GPHN: variants seen among roughly 807,000 people sequenced by gnomAD.
The protein encoded by GPHN is gephyrin.
A neutral mutation model predicts 95.5 loss-of-function variants in GPHN; 17 were observed. That is an observed-to-expected ratio of 0.18 (90% confidence interval 0.12 to 0.27). The LOEUF is 0.27. Among genes scored for constraint, GPHN ranks in the 10% least tolerant of loss-of-function variants. The probability of loss-of-function intolerance (pLI) is 1.00; values close to 1 mark genes in which losing one functional copy is unlikely to be tolerated. For missense variants in GPHN, 660 were observed against 978.1 expected, an observed-to-expected ratio of 0.67 and a Z score of 4.34; for synonymous variants, 320 against 322.5, an observed-to-expected ratio of 0.99 and a Z score of 0.08.
chr14:66,951,065 C>G (rs1475886801), intron 8 of GPHN, among the ~76,000 whole-genome samples: 1 of 152,074 alleles, frequency 6.6e-6, no homozygotes, highest in African/African-American at 2.4e-5. Flanking sequence ...GCTGGCATTA[C>G]AGGCACCTGC....
chr14:67,667,987 T>G, the GPHN span, among the ~76,000 whole-genome samples: 1 of 152,200 alleles, frequency 6.6e-6, no homozygotes, highest in Admixed American at 6.5e-5. Context: ...GGAGTTAGAA[T>G]AGTTAAAATT....
intron 5 of GPHN, among the ~76,000 whole-genome samples, chr14:66,887,059 G>A (rs147656242): frequency 1.5e-3 from 228 of 152,284 alleles, no homozygotes; most frequent in Non-Finnish European, 2.3e-3. Context: ...TGTTTCAGCA[G>A]GGAAGAGGAA....
chr14:66,997,309 G>C (rs1294944687), intron 9 of GPHN, among the ~76,000 whole-genome samples: 1 of 149,990 alleles, frequency 6.7e-6, no homozygotes, highest in Non-Finnish European at 1.5e-5. Context: ...AGAGGTTGCA[G>C]TGAGCCAAGA....
At chr14:67,730,194 C>T in the GPHN span, among the ~76,000 whole-genome samples, 14 of 152,238 alleles carry the variant, frequency 9.2e-5, no homozygotes, top group East Asian at 1.9e-4. Context: ...GAAACTGAGG[C>T]GCAAGATAAT....
At chr14:67,272,101 T>C in the GPHN span, 1 of 151,738 alleles carries the variant, frequency 6.6e-6, no homozygotes, top group Non-Finnish European at 1.5e-5. Flanking sequence ...TTAATAACCA[T>C]AGTATCTAGC....
intron 1 of GPHN, among the ~76,000 whole-genome samples, chr14:66,617,613 T>A (rs1296528598): frequency 6.6e-6 from 1 of 152,212 alleles, no homozygotes; most frequent in Admixed American, 6.5e-5. Context: ...ATGATTCTTT[T>A]CAATGGGAGC....
chr14:66,538,782 T>G (rs889343248), intron 1 of GPHN, among the ~76,000 whole-genome samples: 2 of 75,414 alleles, frequency 2.7e-5, no homozygotes, highest in Non-Finnish European at 4.0e-5. Flanking sequence ...TTTTTTCTTG[T>G]TTTTTTTTTT....
intron 10 of GPHN, among the ~76,000 whole-genome samples, chr14:67,036,994 G>A (rs988289417): frequency 5.9e-5 from 9 of 151,880 alleles, no homozygotes; most frequent in African/African-American, 2.2e-4. Flanking sequence ...TGAAAAAGAA[G>A]AACAAAGCTG....
chr14:67,534,820 A>G, the GPHN span, among the ~76,000 whole-genome samples: 1 of 152,196 alleles, frequency 6.6e-6, no homozygotes, highest in African/African-American at 2.4e-5. Flanking sequence ...ATGTCTGGCA[A>G]TTTAAAGTGT....
At chr14:67,536,071 G>C in the GPHN span, among the ~76,000 whole-genome samples, 2 of 152,166 alleles carry the variant, frequency 1.3e-5, no homozygotes, top group East Asian at 3.8e-4. Context: ...TAGGTACTAA[G>C]CTGTTTCTCT....
the GPHN span, among the ~76,000 whole-genome samples, chr14:67,710,407 TTTTG>T: frequency 6.6e-6 from 1 of 152,122 alleles, no homozygotes; most frequent in Admixed American, 6.5e-5. Flanking sequence ...AAGTTTTTGG[TTTTG>T]TTTGTTTTAT....
In GPHN at chr14:66,813,159, T is replaced by C. The variant is rs570048349; in HGVS notation, c.202-11315T>C. Among the ~76,000 whole-genome samples the C allele has an allele frequency of 7.6e-4, 116 of 152,356 alleles. 1 individual carries two copies. The highest frequency in any genetic ancestry group is 3.4e-3 in the Middle Eastern group (1 of 294). On this transcript the variant is annotated intron_variant, in intron 3 of 22. Coordinates refer to ENST00000478722, the MANE Select transcript of GPHN (RefSeq NM_020806.5). ...TATACCACGTTTAATTTTTTGTGTA[T>C]GTTTTGCTAATAGTGCCTACTATAA...
chr14:66,789,465 A>G (rs1171827562), intron 3 of GPHN, among the ~76,000 whole-genome samples: 1 of 152,238 alleles, frequency 6.6e-6, no homozygotes, highest in Non-Finnish European at 1.5e-5. Context: ...CATAAGATCC[A>G]GTAGTTAAAA....
the GPHN span, among the ~76,000 whole-genome samples, chr14:67,711,303 C>T: frequency 6.6e-6 from 1 of 152,128 alleles, no homozygotes; most frequent in East Asian, 1.9e-4. Flanking sequence ...AATTTTGACA[C>T]CTTATAGTGT....
the GPHN span, among the ~76,000 whole-genome samples, chr14:67,459,096 G>T: frequency 6.6e-6 from 1 of 152,136 alleles, no homozygotes; most frequent in African/African-American, 2.4e-5. Flanking sequence ...TGCCATGTTG[G>T]CCAGGCTGGT....
chr14:67,096,079 T>G (rs2077378644), intron 12 of GPHN, among the ~76,000 whole-genome samples: 2 of 151,772 alleles, frequency 1.3e-5, no homozygotes, highest in Admixed American at 6.6e-5. Context: ...CATTAACTGT[T>G]GAGAAATAAG....
the GPHN span, among the ~76,000 whole-genome samples, chr14:67,400,248 T>C: frequency 6.6e-6 from 1 of 152,236 alleles, no homozygotes; most frequent in Admixed American, 6.5e-5. Context: ...AAGAGTTTAT[T>C]AACATGTCCC....
rs376725468 is a variant in GPHN, at chr14:67,074,902, A to G, written c.1145-14081A>G. On this transcript the variant is annotated intron_variant, in intron 11 of 22. Transcript: ENST00000478722. ...TAAGGACAGAATACATCTCCATAAT[A>G]TAACAATGCAAGGTGAAGCAGCAAA... 2.6e-5 allele frequency among the ~76,000 whole-genome samples: 4 copies of G among 152,306 alleles called. No individual in the cohort carries two copies. The East Asian group carries it at 5.8e-4, about 22-fold the overall frequency.
intron 18 of GPHN, among the ~76,000 whole-genome samples, chr14:67,146,986 T>C (rs1005505849): frequency 4.6e-5 from 7 of 152,174 alleles, no homozygotes; most frequent in Admixed American, 6.5e-5. Context: ...TGAGCCAAGA[T>C]GGCGCCACTG....
Sources: gnomAD v4.1 joint callset for allele counts (sites outside exome capture counted in the v4.1 genomes callset) on GRCh38, gnomAD v4.1.1 for gene constraint, MANE v1.5 for transcripts, NCBI Gene and HGNC (gene_info 2026-07-23, HGNC 2026-07-21) for gene names.